MRPL10: variants seen among roughly 807,000 people sequenced by gnomAD.
MRPL10 encodes large ribosomal subunit protein uL10m.
In MRPL10, 14 loss-of-function variants were observed where a neutral mutation model predicts 19.8. The observed-to-expected ratio is 0.71, with a 90% confidence interval of 0.47 to 1.11. MRPL10 has a LOEUF of 1.11. Among genes scored for constraint, MRPL10 ranks in the 50% least tolerant of loss-of-function variants. MRPL10 has a pLI of 0.00. For missense variants in MRPL10, 318 were observed against 339.6 expected (o/e 0.94, Z 0.50); for synonymous variants, 129 against 139.2 (o/e 0.93, Z 0.52).
At chr17:47,831,384 T>C (rs2033628116) in intron 1 of MRPL10, 76 bp downstream of exon 1, 5 of 1,543,928 alleles carry the variant, frequency 3.2e-6, no homozygotes, top group Non-Finnish European at 4.4e-6. Context: ...ATGGGAAGAA[T>C]CAGTAGTAGA....
Position 47,831,495 on chromosome 17 carries a change from G to C in MRPL10, c.17C>G (p.Ala6Gly). 6.5e-7 allele frequency: 1 copy of C among 1,549,862 alleles called. No individual in the cohort carries two copies. The highest frequency in any genetic ancestry group is 8.7e-7 in the Non-Finnish European group (1 of 1,146,682). ...CAGGAGACCCCCTCGCAGCATCCCC[G>C]CCACGGCCGCAGCCATCTCCACCGG... MAAAV[A>G]GMLRGGLLPQ... Residue 6 changes from alanine to glycine, a missense_variant, in exon 1 of 5, where the codon GCG becomes GGG. Ala to Gly is a moderately conservative substitution (Grantham distance 60). Coordinates refer to ENST00000351111, the MANE Select transcript of MRPL10 (RefSeq NM_145255.4).
intron 2 of MRPL10, 123 bp from the exon 3 acceptor site, chr17:47,827,327 A>G: frequency 1.3e-6 from 1 of 770,780 alleles, no homozygotes; most frequent in Non-Finnish European, 2.0e-6. Flanking sequence ...TCGGGGAACA[A>G]GTAGGATAAC....
At chr17:47,826,900 T>C (rs901473543) in intron 3 of MRPL10, 119 bp from the exon 4 acceptor site, 3 of 1,478,996 alleles carry the variant, frequency 2.0e-6, no homozygotes, top group African/African-American at 2.8e-5. Flanking sequence ...CCCCTAATCA[T>C]AGGTTAGACA....
rs1261594347 is a variant in MRPL10 at position 47,831,482 on chromosome 17, TCGCAGCATCCCCGCCACGGC to T, written c.10_29del (p.Ala4ArgfsTer42). On this transcript the variant is annotated frameshift_variant, in exon 1 of 5. Coordinates refer to ENST00000351111, the MANE Select transcript of MRPL10 (RefSeq NM_145255.4). LOFTEE classifies it high-confidence loss of function. ...TACCCGCCTGGGGCAGGAGACCCCC[TCGCAGCATCCCCGCCACGGC>T]CGCAGCCATCTCCACCGGAAGAATG... 2 of 1,548,482 alleles carry T rather than the reference TCGCAGCATCCCCGCCACGGC, an allele frequency of 1.3e-6. No individual in the cohort carries two copies. The highest frequency in any genetic ancestry group is 8.7e-7 in the Non-Finnish European group (1 of 1,146,668).
In MRPL10 at chr17:47,823,408, T is replaced by C. The variant is rs201127759; in HGVS notation, c.*797A>G. ...GAAAGTCAGATGACAGAGAAGCCCC[T>C]GAGAGTAAGTTTAGAGGGAGGACAA... is the stretch of plus-strand genomic sequence containing the variant. On this transcript the variant is annotated 3_prime_UTR_variant, in exon 5 of 5. Transcript: ENST00000351111. The C allele has an allele frequency of 8.0e-6, 1 of 125,134 alleles. No individual in the cohort carries two copies. The highest frequency in any genetic ancestry group is 2.5e-5 in the African/African-American group (1 of 39,408). 7.8% of individuals were successfully genotyped at this position (125,134 alleles called of 1,614,324 possible).
intron 4 of MRPL10, among the ~76,000 whole-genome samples, chr17:47,824,882 C>T (rs62076127): frequency 0.24 from 36,039 of 151,058 alleles, 5,642 homozygotes; most frequent in Non-Finnish European, 0.35. Context: ...GGCATGGTGG[C>T]GAGCGCCTGT....
Position 47,828,593 on chromosome 17 carries a change from G to A in MRPL10, c.130C>T (p.Arg44Trp), listed in dbSNP as rs747340551. 7.2e-6 allele frequency: 11 copies of A among 1,520,500 alleles called. No individual in the cohort carries two copies. The highest frequency in any genetic ancestry group is 2.6e-5 in the South Asian group (2 of 75,964). The allele number at this position is 1,520,500 out of a possible 1,614,324, so 94.2% of individuals were successfully genotyped here. A position where few individuals can be genotyped will look rare whatever the true frequency, so the allele number is the denominator to read the frequency against. The stretch of plus-strand genomic sequence containing the variant: ...TCAGTCACAGCCATCAGCTTCTGCC[G>A]CTGAAAGTGCATCACACGACGGTGG... ...TRHRRVMHFQ[R>W]QKLMAVTEYI... The change falls in exon 2 of 5, where the codon CGG becomes TGG. Residue 44 changes from arginine to tryptophan, a missense_variant. Physicochemically the swap from Arg to Trp is moderately radical, Grantham distance 101. Coordinates refer to ENST00000351111, the MANE Select transcript of MRPL10 (RefSeq NM_145255.4).
Position 47,828,622 on chromosome 17 carries a change from G to C in MRPL10, c.101C>G (p.Thr34Ser), listed in dbSNP as rs142568381. ...AAAGTGCATCACACGACGGTGGCGG[G>C]TAACAGCCTTGGAGCCATAGCGGAC... ...QTVRYGSKAV[T>S]RHRRVMHFQR... Residue 34 changes from threonine (T) to serine (S), a missense_variant, in exon 2 of 5, where the codon ACC becomes AGC. Coordinates refer to ENST00000351111, the MANE Select transcript of MRPL10 (RefSeq NM_145255.4). 20 of 1,525,916 alleles carry C rather than the reference G, an allele frequency of 1.3e-5. No homozygotes were observed. The highest frequency in any genetic ancestry group is 1.6e-5 in the Non-Finnish European group (18 of 1,145,816). The allele number at this position is 1,525,916 out of a possible 1,614,324, so 94.5% of individuals were successfully genotyped here.
Position 47,827,123 on chromosome 17 carries a change from C to T in MRPL10, c.304G>A (p.Val102Met). ...AGCTTGTCCTCTGCACTCAGAGCCA[C>T]ATTCTGGCAGACGGCTATCATTCGG... ...DNRMIAVCQNVALSAEDKLLM... is the reference protein window; with the variant it reads ...DNRMIAVCQNMALSAEDKLLM... The change falls in exon 3 of 5, where the codon GTG becomes ATG. Residue 102 changes from valine (V) to methionine (M), a missense_variant. Coordinates refer to ENST00000351111, the MANE Select transcript of MRPL10 (RefSeq NM_145255.4). 1 of 1,614,170 alleles carries T rather than the reference C, an allele frequency of 6.2e-7. No individual in the cohort carries two copies.
At chr17:47,828,413 G>A (rs17774166) in intron 2 of MRPL10, 88 bp downstream of exon 2, 312,291 of 922,708 alleles carry the variant, frequency 0.34, 58,136 homozygotes, top group Non-Finnish European at 0.38. Flanking sequence ...GACAATGGCT[G>A]AGTGTCCTAC....
At position 47,831,446 on chromosome 17, in the gene MRPL10, G is replaced by C. The variant is rs1296461811; in HGVS notation, c.52+14C>G. 1 of 1,548,684 alleles carries C rather than the reference G, an allele frequency of 6.5e-7. No individual in the cohort carries two copies. Among genetic ancestry groups the C allele is most frequent in the East Asian group, 2.4e-5 (1 of 40,930 alleles). On this transcript the variant is annotated intron_variant, in intron 1 of 4. Coordinates refer to ENST00000351111, the MANE Select transcript of MRPL10 (RefSeq NM_145255.4). ...GCCGCAAGACACGCCGTGAGGACCT[G>C]GGCCACTCCTTACCCGCCTGGGGCA...
In MRPL10 at chr17:47,826,645, G is replaced by C. The variant is rs372584381; in HGVS notation, c.524C>G (p.Pro175Arg). 5 of 1,613,310 alleles carry C rather than the reference G, an allele frequency of 3.1e-6. No individual in the cohort carries two copies. Among genetic ancestry groups the C allele is most frequent in the Non-Finnish European group, 4.2e-6 (5 of 1,180,024 alleles). The change falls in exon 4 of 5, where the codon CCG (proline) becomes CGG (arginine). Residue 175 changes from proline (P) to arginine (R), a missense_variant. Coordinates refer to ENST00000351111, the MANE Select transcript of MRPL10 (RefSeq NM_145255.4). Reference protein sequence around the residue: ...VRILRTVPFLPLLGGCIDDTI... With the variant: ...VRILRTVPFLRLLGGCIDDTI... ...CAGGGGTGCTTGCTCACCTAGCAGC[G>C]GCAGGAATGGCACAGTCCTTAAGAT...
chr17:47,825,014 C>CA (rs5820672), intron 4 of MRPL10, among the ~76,000 whole-genome samples: 13,030 of 75,458 alleles, frequency 0.17, 1,137 homozygotes, highest in African/African-American at 0.26. Context: ...AACTTCGTCT[C>CA]AAAAAAAAAA....
chr17:47,829,767 T>G (rs577300145), intron 1 of MRPL10: 1 of 152,386 alleles, frequency 6.6e-6, no homozygotes, highest in Admixed American at 6.5e-5. Flanking sequence ...CACACACCTG[T>G]AGTCCCAGCT....
At chr17:47,826,436 A>G (rs1411185671) in intron 4 of MRPL10, among the ~76,000 whole-genome samples, 2 of 152,170 alleles carry the variant, frequency 1.3e-5, no homozygotes, top group Non-Finnish European at 2.9e-5. Flanking sequence ...TCTTCCCTCC[A>G]GTGCAGAAGT....
At chr17:47,825,710 T>C (rs2033521661) in intron 4 of MRPL10, among the ~76,000 whole-genome samples, 1 of 152,182 alleles carries the variant, frequency 6.6e-6, no homozygotes. Flanking sequence ...TGGAGATGGA[T>C]GGTGGTGATG....
chr17:47,829,272 A>AG (rs1170993283), intron 1 of MRPL10: 8 of 91,870 alleles, frequency 8.7e-5, no homozygotes, highest in South Asian at 2.7e-4. Flanking sequence ...CAGAAAAAAA[A>AG]AGAAGGAAGG....
chr17:47,827,080 A>G lies in MRPL10; in HGVS notation c.347T>C (p.Leu116Pro), dbSNP rs1464983107. 2 of 1,613,906 alleles carry G rather than the reference A, an allele frequency of 1.2e-6. No individual in the cohort carries two copies. Among genetic ancestry groups the G allele is most frequent in the Non-Finnish European group, 1.7e-6 (2 of 1,179,902 alleles). The change falls in exon 3 of 5, where the codon CTG becomes CCG. Residue 116 changes from leucine (L) to proline (P), a missense_variant. Transcript: ENST00000351111. ...AEDKLLMRHQ[L>P]RKHKILMKVF... ...CTTCATCAGGATCTTGTGTTTCCGC[A>G]GCTGGTGTCGCATAAGAAGCTTGTC...
chr17:47,831,322 C>T (rs755037466), intron 1 of MRPL10, 138 bp downstream of exon 1: 20 of 1,533,918 alleles, frequency 1.3e-5, no homozygotes, highest in Middle Eastern at 3.8e-4. Context: ...AGTCGAGTCA[C>T]AAGGAACTGG....
Sources: allele counts gnomAD v4.1 joint callset (sites outside exome capture counted in the v4.1 genomes callset), GRCh38; gene constraint gnomAD v4.1.1; transcripts MANE v1.5; gene names NCBI Gene and HGNC (gene_info 2026-07-23, HGNC 2026-07-21).